The following PXDNL variants were observed in gnomAD, a reference collection of about 807,000 sequenced individuals.
PXDNL encodes the protein probable oxidoreductase PXDNL.
PXDNL carries 145 observed loss-of-function variants against 150.8 expected under a neutral mutation model. The observed-to-expected ratio is 0.96, with a 90% CI of 0.84 to 1.10. The LOEUF (loss-of-function observed/expected upper bound fraction) is 1.10, where lower values mean the gene tolerates loss of function less well. PXDNL is among the 50% of genes least tolerant of loss of function. The probability of loss-of-function intolerance (pLI) is 0.00; values close to 1 mark genes in which losing one functional copy is unlikely to be tolerated. For synonymous variants in PXDNL, 757 were observed against 725.7 expected, an observed-to-expected ratio of 1.04 and a Z score of -0.69; for missense variants, 2,087 against 1,873.9, an observed-to-expected ratio of 1.11 and a Z score of -2.10.
intron 1 of PXDNL, among the ~76,000 whole-genome samples, chr8:51,793,521 G>T (rs2037532439): frequency 6.6e-6 from 1 of 152,172 alleles, no homozygotes; most frequent in Admixed American, 6.5e-5. Context: ...GCTTCAGAAG[G>T]TGGGTAATAA....
chr8:51,503,551 T>A (rs1329577211), intron 4 of PXDNL, among the ~76,000 whole-genome samples: 1 of 152,224 alleles, frequency 6.6e-6, no homozygotes. Flanking sequence ...AGAGCAAGAC[T>A]ATCCTCTCCT....
intron 17 of PXDNL, among the ~76,000 whole-genome samples, chr8:51,400,982 C>G (rs185394325): frequency 3.4e-4 from 52 of 152,304 alleles, no homozygotes; most frequent in Middle Eastern, 3.4e-3. Flanking sequence ...CTCACCCAAG[C>G]ATGTCCCACT....
At chr8:51,477,781 C>G (rs1438683726) in intron 6 of PXDNL, among the ~76,000 whole-genome samples, 1 of 152,156 alleles carries the variant, frequency 6.6e-6, no homozygotes, top group Admixed American at 6.5e-5. Context: ...CAGAGGTCAT[C>G]ACTGCTTGCT....
At chr8:51,364,143 G>A (rs182244361) in intron 19 of PXDNL, among the ~76,000 whole-genome samples, 3 of 152,316 alleles carry the variant, frequency 2.0e-5, no homozygotes, top group African/African-American at 7.2e-5. Context: ...ATGCTGCAAA[G>A]CCTTAATGCA....
At position 51,690,930 on chromosome 8, in the gene PXDNL, G is replaced by A. The variant is rs374045247; in HGVS notation, c.165-36170C>T. Among the ~76,000 whole-genome samples the A allele has an allele frequency of 1.4e-3, 210 of 152,196 alleles. 7 individuals are homozygous for A. The East Asian group carries it at 0.036, about 26-fold the overall frequency. ...TTTCTCTGATGGCCAGTGATGATGA[G>A]CATTTTTTCATGTGTCTTTTGGCTG... On this transcript the variant is annotated intron_variant, in intron 1 of 22. Transcript: ENST00000356297.
chr8:51,461,922 C>T (rs1810094374), intron 8 of PXDNL, among the ~76,000 whole-genome samples: 1 of 152,300 alleles, frequency 6.6e-6, no homozygotes, highest in South Asian at 2.1e-4. Context: ...TCTGTCAGCC[C>T]TTACTCTTAA....
chr8:51,605,208 T>C (rs11985019), intron 2 of PXDNL, among the ~76,000 whole-genome samples: 3,694 of 152,262 alleles, frequency 0.024, 165 homozygotes, highest in African/African-American at 0.084. Context: ...AATAATTTTC[T>C]CTCATATGGA....
intron 10 of PXDNL, among the ~76,000 whole-genome samples, chr8:51,450,853 A>G (rs1306244935): frequency 6.6e-6 from 1 of 152,152 alleles, no homozygotes; most frequent in African/African-American, 2.4e-5. Context: ...GTCAGAACTA[A>G]TAAGTAGAAA....
At chr8:51,722,579 A>T (rs4256584) in intron 1 of PXDNL, among the ~76,000 whole-genome samples, 147,863 of 152,212 alleles carry the variant, frequency 0.97, 71,968 homozygotes, top group East Asian at 1. Context: ...TGGCTCTCAG[A>T]GGGATGGATA....
intron 1 of PXDNL, among the ~76,000 whole-genome samples, chr8:51,685,497 A>G (rs893198038): frequency 3.9e-5 from 6 of 152,162 alleles, no homozygotes; most frequent in Admixed American, 3.9e-4. Context: ...GGGCTCTCCT[A>G]GTCTCACCGC....
At chr8:51,404,621 C>T (rs777908064) in intron 17 of PXDNL, among the ~76,000 whole-genome samples, 16 of 151,006 alleles carry the variant, frequency 1.1e-4, no homozygotes, top group East Asian at 5.9e-4. Context: ...ACAAACCTTG[C>T]GCTAGACACA....
chr8:51,406,332 G>T (rs1174607438), intron 17 of PXDNL, among the ~76,000 whole-genome samples: 1 of 152,094 alleles, frequency 6.6e-6, no homozygotes, highest in Non-Finnish European at 1.5e-5. Context: ...TGCCATCTTT[G>T]AGCTTCTCCT....
Position 51,697,672 on chromosome 8 carries a change from T to C in PXDNL, c.165-42912A>G, listed in dbSNP as rs377470920. 7.9e-5 allele frequency among the ~76,000 whole-genome samples: 12 copies of C among 152,308 alleles called. No individual in the cohort carries two copies. The South Asian group carries it at 2.1e-3, about 26-fold the overall frequency. On this transcript the variant is annotated intron_variant, in intron 1 of 22. Coordinates refer to ENST00000356297, the MANE Select transcript of PXDNL (RefSeq NM_144651.5). The stretch of plus-strand genomic sequence containing the variant: ...TAGAGACAGGGGTGATGCAGGTCCC[T>C]AGAGCATCCCTGCACCATCCAGGAG...
At chr8:51,378,116 GC>G (rs977427973) in intron 17 of PXDNL, among the ~76,000 whole-genome samples, 8 of 151,994 alleles carry the variant, frequency 5.3e-5, no homozygotes, top group Non-Finnish European at 1.2e-4. Flanking sequence ...ATCTGGTGGG[GC>G]GTTGGAGAAC....
intron 1 of PXDNL, among the ~76,000 whole-genome samples, chr8:51,694,717 T>C (rs917282978): frequency 3.3e-5 from 5 of 152,236 alleles, no homozygotes; most frequent in Admixed American, 1.3e-4. Context: ...ATTCTCCAGC[T>C]TTTCCATTTG....
intron 1 of PXDNL, among the ~76,000 whole-genome samples, chr8:51,695,750 G>A (rs556138994): frequency 6.6e-6 from 1 of 152,312 alleles, no homozygotes; most frequent in African/African-American, 2.4e-5. Context: ...TCTTCTGCTA[G>A]AAAAGCTAAG....
At chr8:51,704,145 C>A (rs773049978) in intron 1 of PXDNL, among the ~76,000 whole-genome samples, 2 of 152,198 alleles carry the variant, frequency 1.3e-5, no homozygotes, top group African/African-American at 2.4e-5. Flanking sequence ...CTCTTTGTCC[C>A]TTCCTGGATT....
At chr8:51,514,500 T>A (rs1811493980) in intron 4 of PXDNL, among the ~76,000 whole-genome samples, 1 of 152,222 alleles carries the variant, frequency 6.6e-6, no homozygotes, top group African/African-American at 2.4e-5. Context: ...AATTCACATG[T>A]TTTGATAATT....
At chr8:51,693,179 G>T (rs569368597) in intron 1 of PXDNL, among the ~76,000 whole-genome samples, 10 of 152,170 alleles carry the variant, frequency 6.6e-5, no homozygotes, top group African/African-American at 2.4e-4. Context: ...CATGAAAGTT[G>T]CAGACAATAA....
Sources: allele counts gnomAD v4.1 joint callset (sites outside exome capture counted in the v4.1 genomes callset), GRCh38; gene constraint gnomAD v4.1.1; transcripts MANE v1.5; gene names NCBI Gene and HGNC (gene_info 2026-07-23, HGNC 2026-07-21).